The following CCDC146 variants were observed in gnomAD, a reference collection of about 807,000 sequenced individuals.
CCDC146 encodes the protein coiled-coil domain-containing protein 146.
In CCDC146, 92 loss-of-function variants were observed where a neutral mutation model predicts 119.3. The ratio of observed to expected loss-of-function variants is 0.77; its 90% CI spans 0.65 to 0.92. The LOEUF is 0.92. Ranked by LOEUF, CCDC146 falls within the 40% of genes least tolerant of loss-of-function variation. The pLI, the probability that CCDC146 is intolerant of heterozygous loss-of-function variation, is 0.00. For missense variants in CCDC146, 1,000 were observed against 1,103.0 expected, an observed-to-expected ratio of 0.91 and a Z score of 1.32; for synonymous variants, 372 against 371.8, an observed-to-expected ratio of 1.00 and a Z score of -0.01.
intron 2 of CCDC146, among the ~76,000 whole-genome samples, chr7:77,185,151 T>C (rs1252935435): frequency 2.0e-5 from 3 of 151,998 alleles, no homozygotes; most frequent in African/African-American, 7.3e-5. Context: ...GCATTAATCA[T>C]AGCAAACAGA....
intron 2 of CCDC146, among the ~76,000 whole-genome samples, chr7:77,182,711 C>T (rs965050196): frequency 3.9e-5 from 6 of 152,236 alleles, no homozygotes; most frequent in African/African-American, 1.2e-4. Flanking sequence ...GGTGGGATGA[C>T]TTGAGCCTGG....
At chr7:77,190,459 C>T (rs1336394987) in intron 2 of CCDC146, among the ~76,000 whole-genome samples, 1 of 152,156 alleles carries the variant, frequency 6.6e-6, no homozygotes, top group Non-Finnish European at 1.5e-5. Flanking sequence ...CTGGGGCATG[C>T]CCTGATGATG....
In CCDC146 at chr7:77,280,477, A is replaced by G; in HGVS notation, c.1743A>G (p.Arg581=). Residue 581 remains arginine, a synonymous_variant, in exon 14 of 19, where the codon AGA becomes AGG. Transcript: ENST00000285871. ...AACACGCCAACAATGTTACCATCAGAGAGAGCATGCAAAACGATGTGCGCA... is the reference window on the plus strand; with the variant it reads ...AACACGCCAACAATGTTACCATCAGGGAGAGCATGCAAAACGATGTGCGCA... ...MLKHANNVTI[R]ESMQNDVRKI... The G allele has an allele frequency of 6.2e-7, 1 of 1,614,190 alleles. No homozygotes were observed. The highest frequency in any genetic ancestry group is 8.5e-7 in the Non-Finnish European group (1 of 1,180,020).
chr7:77,258,542 T>C (rs2150511710), intron 6 of CCDC146, among the ~76,000 whole-genome samples: 1 of 152,328 alleles, frequency 6.6e-6, no homozygotes, highest in East Asian at 1.9e-4. Context: ...TTATTTACTG[T>C]GTGGCACTCA....
At position 77,242,476 on chromosome 7, in the gene CCDC146, C is replaced by T. The variant is rs138633214; in HGVS notation, c.449+576C>T. The stretch of plus-strand genomic sequence containing the variant: ...CATTTACTTATCCAAATTTAGAGGA[C>T]GTCATTTAGTGAACTAAAGCAGACA... On this transcript the variant is annotated intron_variant, in intron 4 of 18. Coordinates refer to ENST00000285871, the MANE Select transcript of CCDC146 (RefSeq NM_020879.3). 1,241 of 735,580 alleles carry T rather than the reference C, an allele frequency of 1.7e-3. 3 individuals carry two copies. Among genetic ancestry groups the T allele is most frequent in the Admixed American group, 5.1e-3 (81 of 16,010 alleles). The allele number at this position is 735,580 out of a possible 1,614,324, so 45.6% of individuals were successfully genotyped here.
At position 77,256,524 on chromosome 7, in the gene CCDC146, G is replaced by C. The variant is rs762264762; in HGVS notation, c.684+15G>C. 6.3e-7 allele frequency: 1 copy of C among 1,584,128 alleles called. No individual in the cohort carries two copies. The highest frequency in any genetic ancestry group is 1.4e-5 in the African/African-American group (1 of 73,124). On this transcript the variant is annotated intron_variant, in intron 6 of 18. Transcript: ENST00000285871. ...TCGTCCTAAAGGTGTGCTACTTACCGTTGATATTTAAACATTGTGCCTTGC... is the reference window on the plus strand; with the variant it reads ...TCGTCCTAAAGGTGTGCTACTTACCCTTGATATTTAAACATTGTGCCTTGC...
At chr7:77,245,814 T>TA (rs1413706057) in intron 4 of CCDC146, among the ~76,000 whole-genome samples, 1 of 151,634 alleles carries the variant, frequency 6.6e-6, no homozygotes, top group Non-Finnish European at 1.5e-5. Context: ...GGCATGTAGG[T>TA]ACTCAGGAGT....
intron 2 of CCDC146, among the ~76,000 whole-genome samples, chr7:77,209,549 C>T (rs1030874309): frequency 6.6e-6 from 1 of 152,182 alleles, no homozygotes; most frequent in African/African-American, 2.4e-5. Context: ...GCCTGGAGGA[C>T]GATGGCCCTC....
At chr7:77,200,954 TA>T (rs1791976165) in intron 2 of CCDC146, among the ~76,000 whole-genome samples, 1 of 152,242 alleles carries the variant, frequency 6.6e-6, no homozygotes, top group Non-Finnish European at 1.5e-5. Context: ...TTGTATTACT[TA>T]AAACACTCTG....
At chr7:77,188,119 A>G (rs1427797718) in intron 2 of CCDC146, among the ~76,000 whole-genome samples, 1 of 152,136 alleles carries the variant, frequency 6.6e-6, no homozygotes, top group Non-Finnish European at 1.5e-5. Context: ...TCTGACCACG[A>G]GGCACCCCTG....
chr7:77,261,357 G>A (rs925917002), intron 8 of CCDC146, among the ~76,000 whole-genome samples: 15 of 152,138 alleles, frequency 9.9e-5, no homozygotes, highest in African/African-American at 3.4e-4. Context: ...CCACTTATAA[G>A]TGAGAACATG....
chr7:77,163,855 T>C lies in CCDC146; in HGVS notation c.-11-3803T>C, dbSNP rs570412937. Among the ~76,000 whole-genome samples, 321 of 138,056 alleles carry C rather than the reference T, an allele frequency of 2.3e-3. 1 individual carries two copies. Among genetic ancestry groups the C allele is most frequent in the African/African-American group, 7.1e-3 (260 of 36,820 alleles). The allele number at this position is 138,056 out of a possible 152,430, so 90.6% of individuals were successfully genotyped here. A position where few individuals can be genotyped will look rare whatever the true frequency, so the allele number is the denominator to read the frequency against. On this transcript the variant is annotated intron_variant, in intron 1 of 18. Transcript: ENST00000285871. Reference sequence around the variant, plus strand: ...ACAGTTTTTCTTTCTTTCTTTCTTTTTTTTCTTTTTTTTTTTTTTTTTGAG... The same window carrying C: ...ACAGTTTTTCTTTCTTTCTTTCTTTCTTTTCTTTTTTTTTTTTTTTTTGAG...
chr7:77,189,159 T>G (rs1791717914), intron 2 of CCDC146, among the ~76,000 whole-genome samples: 1 of 152,110 alleles, frequency 6.6e-6, no homozygotes, highest in African/African-American at 2.4e-5. Flanking sequence ...TCAAAACTTC[T>G]GATTCCAGCC....
intron 1 of CCDC146, among the ~76,000 whole-genome samples, chr7:77,123,473 C>T (rs1194774813): frequency 1.4e-5 from 2 of 145,774 alleles, no homozygotes; most frequent in African/African-American, 5.1e-5. Context: ...TTTTATAATT[C>T]TATGGGCAGT....
chr7:77,280,647 A>G lies in CCDC146; in HGVS notation c.1913A>G (p.Asn638Ser). ...TACGAAAAAGCTGTTCAGCATCGAAATGAAAGGTAAAAACCAGGTGTGAGA... is the reference window on the plus strand; with the variant it reads ...TACGAAAAAGCTGTTCAGCATCGAAGTGAAAGGTAAAAACCAGGTGTGAGA... ...KRYEKAVQHRNESGVQLIERE... is the reference protein window; with the variant it reads ...KRYEKAVQHRSESGVQLIERE... Residue 638 changes from asparagine (N) to serine (S), a missense_variant, in exon 14 of 19, where the codon AAT becomes AGT. Physicochemically the swap from Asn to Ser is conservative, Grantham distance 46 (BLOSUM62 1). Around this residue, in one of 2 missense-constraint regions of CCDC146, gnomAD observed 985 missense variants for 1,045.3 expected, o/e 0.94. Coordinates refer to ENST00000285871, the MANE Select transcript of CCDC146 (RefSeq NM_020879.3). The G allele has an allele frequency of 1.9e-6, 3 of 1,608,670 alleles. No individual in the cohort carries two copies. The highest frequency in any genetic ancestry group is 2.5e-6 in the Non-Finnish European group (3 of 1,177,252).
Position 77,262,228 on chromosome 7 carries a change from G to C in CCDC146, c.1094G>C (p.Arg365Thr), listed in dbSNP as rs763624339. 26 of 1,613,882 alleles carry C rather than the reference G, an allele frequency of 1.6e-5. No individual in the cohort carries two copies. Among genetic ancestry groups the C allele is most frequent in the Non-Finnish European group, 5.1e-6 (6 of 1,179,982 alleles). ...REKERDFRNL[R>T]KMELLLKVSW... is the part of the protein sequence containing the mutation. The stretch of plus-strand genomic sequence containing the variant: ...AAAGAACGAGATTTTCGAAATTTAA[G>C]AAAGATGGAACTGCTCTTGAAAGTG... Residue 365 changes from arginine (R) to threonine (T), a missense_variant, in exon 9 of 19, where the codon AGA becomes ACA. This residue lies in a region of CCDC146 where 985 missense variants were observed against 1,045.3 expected (regional missense o/e 0.94). Transcript: ENST00000285871.
chr7:77,139,263 G>T (rs1790900835), intron 1 of CCDC146, among the ~76,000 whole-genome samples: 1 of 152,200 alleles, frequency 6.6e-6, no homozygotes, highest in African/African-American at 2.4e-5. Context: ...CATCTGAAAA[G>T]TCTACATACT....
At chr7:77,191,790 G>A (rs528629918) in intron 2 of CCDC146, among the ~76,000 whole-genome samples, 1 of 152,014 alleles carries the variant, frequency 6.6e-6, no homozygotes, top group Non-Finnish European at 1.5e-5. Flanking sequence ...GGCACCTGTA[G>A]TCCTAGCTAC....
At chr7:77,224,573 T>C (rs2150466678) in intron 2 of CCDC146, among the ~76,000 whole-genome samples, 1 of 152,332 alleles carries the variant, frequency 6.6e-6, no homozygotes. Context: ...GATTAGGACA[T>C]GCACATCCTG....
Sources: allele counts gnomAD v4.1 joint callset (sites outside exome capture counted in the v4.1 genomes callset), GRCh38; gene constraint gnomAD v4.1.1; regional missense constraint gnomAD v4.1.1; transcripts MANE v1.5; gene names NCBI Gene and HGNC (gene_info 2026-07-23, HGNC 2026-07-21).